Variants in DIPK2A observed in about 807,000 individuals in gnomAD.
DIPK2A encodes divergent protein kinase domain 2A.
In DIPK2A, 27 loss-of-function variants were observed where a neutral mutation model predicts 39.0. That is an observed-to-expected ratio of 0.69 (90% CI 0.51 to 0.96). The LOEUF (loss-of-function observed/expected upper bound fraction) is 0.96. DIPK2A is among the 40% of genes least tolerant of loss of function. The probability of loss-of-function intolerance (pLI) is 0.00; values close to 1 mark genes in which losing one functional copy is unlikely to be tolerated. For synonymous variants in DIPK2A, 298 were observed against 240.8 expected (o/e 1.24, Z -2.20); for missense variants, 528 against 571.3 (o/e 0.92, Z 0.77).
At chr3:143,973,695 CT>C in intron 1 of DIPK2A, 1 of 667,536 alleles carries the variant, frequency 1.5e-6, no homozygotes, top group Non-Finnish European at 2.7e-6. Flanking sequence ...GTGACCTGCC[CT>C]ATTCATCTGG....
In DIPK2A at chr3:143,972,914, T is replaced by C. The variant is rs139703156; in HGVS notation, c.582T>C (p.Leu194=). The stretch of plus-strand genomic sequence containing the variant: ...CCAAGGACTCGGGCAGCTTCCTGCT[T>C]CGCAACCTCAAGGACTCGGAGCGCA... ...AETKDSGSFL[L]RNLKDSERMQ... is the part of the protein sequence containing the mutation. Residue 194 remains leucine (L), a synonymous_variant, in exon 1 of 3, where the codon CTT becomes CTC. Transcript: ENST00000315691. 3.9e-4 allele frequency: 619 copies of C among 1,588,268 alleles called. 1 individual carries two copies. The African/African-American group carries it at 6.6e-3, about 17-fold the overall frequency.
At chr3:143,976,217 A>G (rs2087726236) in intron 1 of DIPK2A, among the ~76,000 whole-genome samples, 3 of 152,030 alleles carry the variant, frequency 2.0e-5, no homozygotes, top group Non-Finnish European at 4.4e-5. Flanking sequence ...TAGAATTATT[A>G]TCTTCTAAAA....
chr3:143,987,497 T>C (rs887648824), intron 2 of DIPK2A, among the ~76,000 whole-genome samples: 3 of 152,250 alleles, frequency 2.0e-5, no homozygotes, highest in Non-Finnish European at 4.4e-5. Context: ...TCTCTGTCTG[T>C]TCATTTACTC....
chr3:143,978,363 A>G (rs536894847), intron 1 of DIPK2A: 2 of 152,460 alleles, frequency 1.3e-5, no homozygotes, highest in Non-Finnish European at 2.9e-5. Context: ...TGAGGTTAGT[A>G]TAAGGTGATA....
chr3:143,978,285 A>G (rs769801923), intron 1 of DIPK2A, among the ~76,000 whole-genome samples: 2 of 151,844 alleles, frequency 1.3e-5, no homozygotes, highest in African/African-American at 2.4e-5. Context: ...TAAATCCTGC[A>G]TTTTTCTAAT....
intron 1 of DIPK2A, among the ~76,000 whole-genome samples, chr3:143,984,299 C>G (rs898140668): frequency 7.9e-5 from 12 of 152,118 alleles, no homozygotes; most frequent in African/African-American, 2.9e-4. Context: ...GCATTCACAG[C>G]TTGGCTGTTT....
intron 1 of DIPK2A, among the ~76,000 whole-genome samples, chr3:143,980,571 T>C (rs1454967137): frequency 6.6e-6 from 1 of 152,196 alleles, no homozygotes; most frequent in Non-Finnish European, 1.5e-5. Context: ...CCTGGCCCCT[T>C]TAAGCATTTT....
intron 1 of DIPK2A, among the ~76,000 whole-genome samples, chr3:143,980,548 T>G (rs974411780): frequency 6.6e-6 from 1 of 152,144 alleles, no homozygotes; most frequent in Non-Finnish European, 1.5e-5. Context: ...ATTATAGGTG[T>G]GAAGCCACCG....
Position 143,989,835 on chromosome 3 carries a change from G to A in DIPK2A, c.1287G>A (p.Val429=), listed in dbSNP as rs2087955192. ...REYLAQLSNN[V]R ...ACCTAGCACAATTAAGTAACAACGT[G>A]AGGTAGTCTATGGTGAACTTTTCTT... Residue 429 remains valine (V), a synonymous_variant, in exon 3 of 3, where the codon GTG becomes GTA. Coordinates refer to ENST00000315691, the MANE Select transcript of DIPK2A (RefSeq NM_173552.5). 2.5e-6 allele frequency: 4 copies of A among 1,610,502 alleles called. No individual in the cohort carries two copies. The highest frequency in any genetic ancestry group is 2.5e-6 in the Non-Finnish European group (3 of 1,177,150).
chr3:143,990,652 A>G lies in DIPK2A; in HGVS notation c.*811A>G, dbSNP rs1489521823. On this transcript the variant is annotated 3_prime_UTR_variant, in exon 3 of 3. Coordinates refer to ENST00000315691, the MANE Select transcript of DIPK2A (RefSeq NM_173552.5). ...CTTTAAGAAGAATATACTAGAATCT[A>G]TATATTGATGTTAATTTTGATTCAG... is the stretch of plus-strand genomic sequence containing the variant. The G allele has an allele frequency of 6.6e-6, 1 of 152,546 alleles. No individual in the cohort carries two copies. Among genetic ancestry groups the G allele is most frequent in the Non-Finnish European group, 1.5e-5 (1 of 67,986 alleles). 9.4% of individuals were successfully genotyped at this position (152,546 alleles called of 1,614,324 possible). A position where few individuals can be genotyped will look rare whatever the true frequency, so the allele number is the denominator to read the frequency against.
At chr3:143,977,934 C>T (rs564823163) in intron 1 of DIPK2A, among the ~76,000 whole-genome samples, 71 of 152,238 alleles carry the variant, frequency 4.7e-4, no homozygotes, top group African/African-American at 1.7e-3. Context: ...ACATCCTGGA[C>T]TAGTTTCTGG....
At chr3:143,974,983 ACTTACT>A (rs1276757562) in intron 1 of DIPK2A, among the ~76,000 whole-genome samples, 1 of 151,988 alleles carries the variant, frequency 6.6e-6, no homozygotes. Flanking sequence ...TTTCCCTCAA[ACTTACT>A]CTTTATCTGT....
chr3:143,978,842 T>C (rs1576808249), intron 1 of DIPK2A, among the ~76,000 whole-genome samples: 1 of 151,710 alleles, frequency 6.6e-6, no homozygotes, highest in East Asian at 1.9e-4. Flanking sequence ...GAGCATCCAT[T>C]TCACATTCTG....
At chr3:143,978,604 A>ATATCTATATATATATATATATC in intron 1 of DIPK2A, 1 of 35,578 alleles carries the variant, frequency 2.8e-5, no homozygotes, top group South Asian at 7.4e-4. Flanking sequence ...CTATCTATCT[A>ATATCTATATATATATATATATC]TATATATATA....
At position 143,972,981 on chromosome 3, in the gene DIPK2A, G is replaced by C. The variant is rs1414535417; in HGVS notation, c.649G>C (p.Val217Leu). 6.3e-7 allele frequency: 1 copy of C among 1,584,440 alleles called. No homozygotes were observed. The highest frequency in any genetic ancestry group is 1.8e-5 in the Admixed American group (1 of 56,926). Residue 217 changes from valine (V) to leucine (L), a missense_variant, in exon 1 of 3, where the codon GTG (valine) becomes CTG (leucine). By Grantham distance (32) the Val-to-Leu change is conservative. Coordinates refer to ENST00000315691, the MANE Select transcript of DIPK2A (RefSeq NM_173552.5). ...LTLAFNPEPL[V>L]LQSFPSDEGW... ...CCTGGCCTTCAACCCCGAGCCGCTGGTGCTACAGGTAGGCGCGGAGCCAGG... is the reference window on the plus strand; with the variant it reads ...CCTGGCCTTCAACCCCGAGCCGCTGCTGCTACAGGTAGGCGCGGAGCCAGG...
chr3:143,984,340 C>T (rs1329548462), intron 1 of DIPK2A, among the ~76,000 whole-genome samples: 3 of 151,776 alleles, frequency 2.0e-5, no homozygotes, highest in Middle Eastern at 3.4e-3. Flanking sequence ...CTGCCTATCT[C>T]GGTTTTAGAT....
chr3:143,977,302 A>G (rs1443499128), intron 1 of DIPK2A, among the ~76,000 whole-genome samples: 1 of 151,954 alleles, frequency 6.6e-6, no homozygotes, highest in Non-Finnish European at 1.5e-5. Context: ...GGGGCTTTCA[A>G]ACTCTTGAGA....
intron 1 of DIPK2A, among the ~76,000 whole-genome samples, chr3:143,981,267 T>C (rs553017264): frequency 1.3e-5 from 2 of 152,344 alleles, no homozygotes; most frequent in South Asian, 4.1e-4. Context: ...TGACATGTAT[T>C]TGTTTTTGCA....
intron 1 of DIPK2A, chr3:143,978,650 A>C (rs1309563111): frequency 4.8e-4 from 21 of 43,974 alleles, no homozygotes; most frequent in East Asian, 7.8e-4. Flanking sequence ...CTATATATAT[A>C]TATATATATC....
Sources: gnomAD v4.1 joint callset for allele counts (sites outside exome capture counted in the v4.1 genomes callset) on GRCh38, gnomAD v4.1.1 for gene constraint, MANE v1.5 for transcripts, NCBI Gene and HGNC (gene_info 2026-07-23, HGNC 2026-07-21) for gene names.